LOXHD1: variants seen among roughly 807,000 people sequenced by gnomAD.
The protein encoded by LOXHD1 is lipoxygenase homology PLAT domains 1.
A neutral mutation model predicts 248.2 loss-of-function variants in LOXHD1; 205 were observed. That is an observed-to-expected ratio of 0.83 (90% confidence interval 0.74 to 0.93). The LOEUF (loss-of-function observed/expected upper bound fraction) is 0.93, where lower values mean the gene tolerates loss of function less well. Ranked by LOEUF, LOXHD1 falls within the 40% of genes least tolerant of loss-of-function variation. The pLI is 0.00. For missense variants in LOXHD1, 2,930 were observed against 2,971.6 expected (o/e 0.99, Z 0.33); for synonymous variants, 1,113 against 1,162.8 (o/e 0.96, Z 0.87).
At chr18:46,639,511 G>C in intron 4 of LOXHD1, 105 bp downstream of exon 4, 1 of 1,334,846 alleles carries the variant, frequency 7.5e-7, no homozygotes, top group Non-Finnish European at 1.0e-6. Flanking sequence ...GGCATGCCAA[G>C]ATGAGGTAGG....
chr18:46,516,787 A>G (rs1418922843), intron 34 of LOXHD1, among the ~76,000 whole-genome samples: 1 of 151,682 alleles, frequency 6.6e-6, no homozygotes, highest in Non-Finnish European at 1.5e-5. Flanking sequence ...CATTTCTACC[A>G]TCACCTTCAC....
intron 21 of LOXHD1, 50 bp from the exon 22 acceptor site, chr18:46,547,108 G>A (rs990394478): frequency 7.4e-5 from 114 of 1,547,834 alleles, no homozygotes; most frequent in African/African-American, 2.5e-4. Flanking sequence ...GAAAGGTCTC[G>A]TCCAGGAGCA....
chr18:46,572,038 C>T lies in LOXHD1; in HGVS notation c.2047+48G>A, dbSNP rs1052459487. ...GAAGGGCTTAGCTGAGGGAAGGCCC[C>T]TGTCTCACCAAGGGCACACCCAGCA... On this transcript the variant is annotated intron_variant, in intron 15 of 40. Transcript: ENST00000642948. 10 of 1,473,268 alleles carry T rather than the reference C, an allele frequency of 6.8e-6. No homozygotes were observed. In the Admixed American group the frequency reaches 1.8e-4, roughly 26 times the overall value. 91.3% of individuals were successfully genotyped at this position (1,473,268 alleles called of 1,614,324 possible).
chr18:46,507,503 A>G (rs1254581821), intron 36 of LOXHD1, 35 bp downstream of exon 36: 3 of 1,550,706 alleles, frequency 1.9e-6, no homozygotes, highest in Non-Finnish European at 2.6e-6. Flanking sequence ...TTGGAGTGGT[A>G]AGGGAGCGGG....
At chr18:46,570,913 T>C (rs2037739126) in intron 15 of LOXHD1, among the ~76,000 whole-genome samples, 1 of 152,184 alleles carries the variant, frequency 6.6e-6, no homozygotes. Context: ...CAGGAGGTCC[T>C]GTCCACATGG....
At chr18:46,643,256 G>A (rs1022058399) in intron 2 of LOXHD1, among the ~76,000 whole-genome samples, 22 of 152,188 alleles carry the variant, frequency 1.4e-4, no homozygotes, top group African/African-American at 2.4e-5. Flanking sequence ...ATGAGGAGGA[G>A]AGAGGCACAG....
Position 46,521,177 on chromosome 18 carries a change from G to T in LOXHD1, c.5191C>A (p.Leu1731Met). 6.4e-7 allele frequency: 1 copy of T among 1,551,764 alleles called. No individual in the cohort carries two copies. The highest frequency in any genetic ancestry group is 8.7e-7 in the Non-Finnish European group (1 of 1,147,030). ...TKYMLNCNCW[L>M]AKDRGDGITS... The stretch of plus-strand genomic sequence containing the variant: ...ATGCCGTCGCCTCTGTCCTTGGCCA[G>T]CCAGCAGTTACAGTTCAACATGTAC... Residue 1731 changes from leucine to methionine, a missense_variant, in exon 33 of 41, where the codon CTG (leucine) becomes ATG (methionine). Leu to Met is a conservative substitution (Grantham distance 15, BLOSUM62 2). Transcript: ENST00000642948.
intron 37 of LOXHD1, among the ~76,000 whole-genome samples, chr18:46,500,099 C>T (rs1416018482): frequency 3.3e-5 from 5 of 152,008 alleles, no homozygotes; most frequent in Admixed American, 2.6e-4. Context: ...TTTTCTTCTT[C>T]CCCCTCCTCT....
intron 12 of LOXHD1, among the ~76,000 whole-genome samples, chr18:46,587,827 T>C (rs1247104580): frequency 6.6e-6 from 1 of 152,066 alleles, no homozygotes; most frequent in African/African-American, 2.4e-5. Flanking sequence ...ACAGCCAAGG[T>C]GGAAATAAAT....
At chr18:46,565,009 A>C (rs2037608996) in intron 17 of LOXHD1, among the ~76,000 whole-genome samples, 1 of 152,030 alleles carries the variant, frequency 6.6e-6, no homozygotes, top group Non-Finnish European at 1.5e-5. Context: ...CACGTCTATA[A>C]TGCTAGCACT....
intron 33 of LOXHD1, chr18:46,518,850 T>C (rs1434290911): frequency 3.1e-6 from 3 of 982,354 alleles, no homozygotes; most frequent in Non-Finnish European, 3.6e-6. Context: ...CAGCTGCGAA[T>C]GAGGGGTGCC....
chr18:46,653,959 T>TATC (rs898542761), intron 1 of LOXHD1, among the ~76,000 whole-genome samples: 5 of 152,232 alleles, frequency 3.3e-5, no homozygotes, highest in African/African-American at 1.2e-4. Flanking sequence ...AAGTGGTTAC[T>TATC]ATCATCATCA....
chr18:46,656,803 C>T, intron 1 of LOXHD1, 101 bp downstream of exon 1: 1 of 1,333,880 alleles, frequency 7.5e-7, no homozygotes, highest in South Asian at 1.4e-5. Context: ...TGAGGAAGGG[C>T]TTGCTCCGAA....
At chr18:46,644,735 A>T (rs1000865965) in intron 2 of LOXHD1, among the ~76,000 whole-genome samples, 1 of 152,134 alleles carries the variant, frequency 6.6e-6, no homozygotes, top group African/African-American at 2.4e-5. Context: ...AAAAGAAAAA[A>T]AAAAATGTGA....
chr18:46,634,488 A>T (rs984171990), intron 4 of LOXHD1, among the ~76,000 whole-genome samples: 2 of 152,246 alleles, frequency 1.3e-5, no homozygotes, highest in African/African-American at 4.8e-5. Context: ...CACAGATGAA[A>T]TGCTGTAAAA....
At chr18:46,494,700 A>T (rs1373572040) in intron 37 of LOXHD1, among the ~76,000 whole-genome samples, 1 of 152,176 alleles carries the variant, frequency 6.6e-6, no homozygotes, top group Non-Finnish European at 1.5e-5. Context: ...CCTCACTTGT[A>T]CAATGTGTGG....
At chr18:46,532,878 T>C (rs1463996771) in intron 28 of LOXHD1, among the ~76,000 whole-genome samples, 1 of 152,238 alleles carries the variant, frequency 6.6e-6, no homozygotes, top group Non-Finnish European at 1.5e-5. Flanking sequence ...GGATTCCCGT[T>C]ATCTGGATGT....
chr18:46,538,571 T>C (rs115678498), intron 25 of LOXHD1, among the ~76,000 whole-genome samples: 1,937 of 152,110 alleles, frequency 0.013, 44 homozygotes, highest in African/African-American at 0.044. Context: ...GACCAGGGTG[T>C]GTGAGCCTCT....
chr18:46,626,956 C>G (rs1040723499), intron 4 of LOXHD1, among the ~76,000 whole-genome samples: 1 of 152,158 alleles, frequency 6.6e-6, no homozygotes, highest in East Asian at 1.9e-4. Flanking sequence ...TGATGACAGC[C>G]ATTGAGTAAG....
Sources: gnomAD v4.1 joint callset for allele counts (sites outside exome capture counted in the v4.1 genomes callset) on GRCh38, gnomAD v4.1.1 for gene constraint, MANE v1.5 for transcripts, NCBI Gene and HGNC (gene_info 2026-07-23, HGNC 2026-07-21) for gene names.